GCSAM: variants seen among roughly 807,000 people sequenced by gnomAD.
GCSAM encodes germinal center-associated signaling and motility protein.
In GCSAM, 8 loss-of-function variants were observed where a neutral mutation model predicts 17.6. That is an observed-to-expected ratio of 0.46 (90% CI 0.27 to 0.82). The LOEUF (loss-of-function observed/expected upper bound fraction) is 0.82. Ranked by LOEUF, GCSAM falls within the 40% of genes least tolerant of loss-of-function variation. The pLI is 0.15. For synonymous variants in GCSAM, 68 were observed against 69.0 expected (o/e 0.98, Z 0.07); for missense variants, 192 against 213.5 (o/e 0.90, Z 0.63).
At chr3:112,131,965 T>A (rs947806621) in intron 1 of GCSAM, among the ~76,000 whole-genome samples, 23 of 152,228 alleles carry the variant, frequency 1.5e-4, no homozygotes, top group South Asian at 6.2e-4. Flanking sequence ...AGTAAAAAAA[T>A]TTTTTTAAAG....
chr3:112,124,948 C>G (rs1576161463), intron 5 of GCSAM, among the ~76,000 whole-genome samples: 1 of 152,176 alleles, frequency 6.6e-6, no homozygotes, highest in Non-Finnish European at 1.5e-5. Flanking sequence ...GTCGTTTTAG[C>G]TACATGAGTT....
intron 4 of GCSAM, 128 bp from the exon 5 acceptor site, chr3:112,125,382 C>G (rs2074293449): frequency 1.2e-5 from 8 of 685,150 alleles, no homozygotes; most frequent in Non-Finnish European, 2.1e-5. Flanking sequence ...TCAGGCTATT[C>G]TGATCTACAG....
chr3:112,124,845 A>G (rs1271621129), intron 5 of GCSAM, among the ~76,000 whole-genome samples: 3 of 152,040 alleles, frequency 2.0e-5, no homozygotes, highest in Admixed American at 6.5e-5. Context: ...CCTTTTAGCT[A>G]TTTGGCTTTG....
rs1432180319 is a variant in GCSAM, at chr3:112,121,147, A to G, written c.*2308T>C. The G allele has an allele frequency of 6.6e-6, 1 of 152,226 alleles. No homozygotes were observed. Among genetic ancestry groups the G allele is most frequent in the Non-Finnish European group, 1.5e-5 (1 of 68,044 alleles). 9.4% of individuals were successfully genotyped at this position (152,226 alleles called of 1,614,324 possible). A position where few individuals can be genotyped will look rare whatever the true frequency, so the allele number is the denominator to read the frequency against. ...TTAATGTGTCCCTGATAAAAGGCAT[A>G]TACTGTTTGGGACAGATAATGCTTT... On this transcript the variant is annotated 3_prime_UTR_variant, in exon 6 of 6. Coordinates refer to ENST00000308910, the MANE Select transcript of GCSAM (RefSeq NM_152785.5).
At chr3:112,132,633 T>G (rs1182590353) in intron 1 of GCSAM, 3 of 986,634 alleles carry the variant, frequency 3.0e-6, no homozygotes, top group Non-Finnish European at 2.4e-6. Context: ...TGACCTCTGC[T>G]TACCTGCTTG....
rs762699352 is a variant in GCSAM, at chr3:112,121,971, T to C, written c.*1484A>G. 7.2e-5 allele frequency: 11 copies of C among 152,220 alleles called. No individual in the cohort carries two copies. The highest frequency in any genetic ancestry group is 1.3e-4 in the Non-Finnish European group (9 of 68,050). 9.4% of individuals were successfully genotyped at this position (152,220 alleles called of 1,614,324 possible). On this transcript the variant is annotated 3_prime_UTR_variant, in exon 6 of 6. Coordinates refer to ENST00000308910, the MANE Select transcript of GCSAM (RefSeq NM_152785.5). ...TACCTACTGCTTTCTTAAACAAACC[T>C]CTTTTAAAACAAACTATTTTAGCAT...
In GCSAM at chr3:112,123,126, G is replaced by T; in HGVS notation, c.*329C>A. 1 of 305,732 alleles carries T rather than the reference G, an allele frequency of 3.3e-6. No homozygotes were observed. 18.9% of individuals were successfully genotyped at this position (305,732 alleles called of 1,614,324 possible). A position where few individuals can be genotyped will look rare whatever the true frequency, so the allele number is the denominator to read the frequency against. On this transcript the variant is annotated 3_prime_UTR_variant, in exon 6 of 6. Transcript: ENST00000308910. ...TGATCATGGGAACACTTTATAAGAAGATCCCAGACAGAAGAGCAGAGCCCC... is the reference window on the plus strand; with the variant it reads ...TGATCATGGGAACACTTTATAAGAATATCCCAGACAGAAGAGCAGAGCCCC...
intron 1 of GCSAM, chr3:112,132,699 C>A: frequency 1.0e-6 from 1 of 987,614 alleles, no homozygotes; most frequent in Non-Finnish European, 1.2e-6. Context: ...CTGTTTATTT[C>A]AAACTTAAAA....
intron 3 of GCSAM, 132 bp from the exon 4 acceptor site, chr3:112,127,165 ATGAGT>A: frequency 3.5e-6 from 2 of 572,764 alleles, no homozygotes; most frequent in South Asian, 2.5e-5. Flanking sequence ...TTCAGCATAG[ATGAGT>A]TAAGTAAAAA....
rs747637896 is a variant in GCSAM, at chr3:112,123,554, A to G, written c.438T>C (p.Asp146=). 6.2e-7 allele frequency: 1 copy of G among 1,614,164 alleles called. No homozygotes were observed. Among genetic ancestry groups the G allele is most frequent in the Non-Finnish European group, 8.5e-7 (1 of 1,180,018 alleles). The change falls in exon 6 of 6, where the codon GAT becomes GAC. Residue 146 remains aspartate, a synonymous_variant. Coordinates refer to ENST00000308910, the MANE Select transcript of GCSAM (RefSeq NM_152785.5). ...TDPRHARSPE[D]EYELLMPHRI... ...TGTGAGGCATGAGAAGTTCATATTC[A>G]TCTTCTGGGGATCGGGCATGCCTGG...
intron 4 of GCSAM, among the ~76,000 whole-genome samples, chr3:112,126,508 C>A (rs1407074616): frequency 2.0e-5 from 3 of 152,194 alleles, no homozygotes; most frequent in African/African-American, 7.2e-5. Context: ...TCTTCCGGCT[C>A]CTTGCTGCAA....
At chr3:112,132,258 C>T (rs1172363660) in intron 1 of GCSAM, among the ~76,000 whole-genome samples, 1 of 152,076 alleles carries the variant, frequency 6.6e-6, no homozygotes, top group African/African-American at 2.4e-5. Flanking sequence ...AAGTGGGCTA[C>T]CATTTTTTCC....
chr3:112,130,432 A>G lies in GCSAM; in HGVS notation c.98+13T>C. The G allele has an allele frequency of 6.2e-7, 1 of 1,612,488 alleles. No individual in the cohort carries two copies. The highest frequency in any genetic ancestry group is 8.5e-7 in the Non-Finnish European group (1 of 1,178,646). ...GCAAGGTCTGGGGGGTGTTTGGTTG[A>G]TTTTGCTCTCACCTGGATGTTCTCT... On this transcript the variant is annotated intron_variant, in intron 2 of 5. Transcript: ENST00000308910.
intron 2 of GCSAM, chr3:112,129,538 C>T (rs1430905355): frequency 6.6e-6 from 1 of 152,164 alleles, no homozygotes; most frequent in African/African-American, 2.4e-5. Flanking sequence ...TTTGAGGTAT[C>T]TGTCTCTTTC....
intron 5 of GCSAM, among the ~76,000 whole-genome samples, chr3:112,125,021 C>T (rs981736374): frequency 1.3e-5 from 2 of 152,134 alleles, no homozygotes; most frequent in Admixed American, 1.3e-4. Flanking sequence ...AATTTAAGTT[C>T]CTTTCAATAA....
intron 1 of GCSAM, chr3:112,132,863 G>T: frequency 2.0e-6 from 1 of 500,070 alleles, no homozygotes; most frequent in Non-Finnish European, 3.4e-6. Flanking sequence ...CCACCTTTCA[G>T]CTATTCTCCA....
intron 2 of GCSAM, chr3:112,129,131 G>A (rs1183578611): frequency 3.3e-5 from 5 of 152,144 alleles, no homozygotes; most frequent in African/African-American, 9.7e-5. Flanking sequence ...CCTTCAATGT[G>A]CTTCAGACCG....
At chr3:112,125,426 A>G (rs1377126594) in intron 4 of GCSAM, among the ~76,000 whole-genome samples, 172 bp from the exon 5 acceptor site, 3 of 152,204 alleles carry the variant, frequency 2.0e-5, no homozygotes, top group African/African-American at 7.2e-5. Context: ...CATCTAAACA[A>G]GTCACAGCTA....
chr3:112,128,307 T>A (rs1220150994), intron 2 of GCSAM: 2 of 654,264 alleles, frequency 3.1e-6, no homozygotes, highest in Non-Finnish European at 5.6e-6. Flanking sequence ...GAAAAATGTT[T>A]CCTCACTCTC....
Sources: allele counts gnomAD v4.1 joint callset (sites outside exome capture counted in the v4.1 genomes callset), GRCh38; gene constraint gnomAD v4.1.1; transcripts MANE v1.5; gene names NCBI Gene and HGNC (gene_info 2026-07-23, HGNC 2026-07-21).